Variants in MICAL2 observed in about 807,000 individuals in gnomAD.
MICAL2 encodes the protein [F-actin]-monooxygenase MICAL2.
A neutral mutation model predicts 127.3 loss-of-function variants in MICAL2; 77 were observed. That is an observed-to-expected ratio of 0.60 (90% CI 0.50 to 0.73). The LOEUF (loss-of-function observed/expected upper bound fraction) is 0.73. MICAL2 is among the 30% of genes least tolerant of loss of function. The pLI is 0.00. For synonymous variants in MICAL2, 570 were observed against 551.1 expected (o/e 1.03, Z -0.48); for missense variants, 1,351 against 1,434.4 (o/e 0.94, Z 0.94).
At chr11:12,249,292 G>T in intron 22 of MICAL2, 46 bp downstream of exon 22, 2 of 1,127,226 alleles carry the variant, frequency 1.8e-6, no homozygotes, top group Middle Eastern at 2.0e-4. Flanking sequence ...CCTGCAAAGG[G>T]GGATTATCAG....
intron 15 of MICAL2, among the ~76,000 whole-genome samples, chr11:12,229,577 C>T (rs1036427438): frequency 1.3e-5 from 2 of 152,238 alleles, no homozygotes; most frequent in Non-Finnish European, 2.9e-5. Context: ...CCACTTGGCC[C>T]TCAGAGGGAA....
chr11:12,188,164 G>A (rs1385297818), intron 3 of MICAL2, among the ~76,000 whole-genome samples: 1 of 152,100 alleles, frequency 6.6e-6, no homozygotes, highest in Non-Finnish European at 1.5e-5. Context: ...TCATTTTAAA[G>A]GCTTAGTATA....
At chr11:12,164,213 G>T (rs1306276827) in intron 3 of MICAL2, among the ~76,000 whole-genome samples, 1 of 152,178 alleles carries the variant, frequency 6.6e-6, no homozygotes, top group Non-Finnish European at 1.5e-5. Context: ...GGTCACCACT[G>T]GCTTCTGTGA....
rs561134168 is a variant in MICAL2, at chr11:12,282,332, C to G, written c.254+1233C>G. On this transcript the variant is annotated intron_variant, in intron 2 of 2. Coordinates refer to the MICAL2 transcript ENST00000529028. ...TGTGCCCAGCTGGGTCCAGCCCCAC[C>G]TCTGGTTACTGCGTGGCCTTGGTGT... Among the ~76,000 whole-genome samples, 56 of 152,290 alleles carry G rather than the reference C, an allele frequency of 3.7e-4. No individual in the cohort carries two copies. The East Asian group carries it at 9.5e-3, about 26-fold the overall frequency.
At position 12,110,612 on chromosome 11, in the gene MICAL2, C is replaced by G. The variant is rs1413737664; in HGVS notation, c.-263C>G. The G allele has an allele frequency of 6.6e-6, 1 of 151,846 alleles. No homozygotes were observed. The highest frequency in any genetic ancestry group is 1.9e-4 in the East Asian group (1 of 5,178). 9.4% of individuals were successfully genotyped at this position (151,846 alleles called of 1,614,324 possible). ...GGCGCTCGGCTGGCTAAGCCTGCGC[C>G]GGGCCGCCTCGCTCGCTCCCAGCTC... On this transcript the variant is annotated 5_prime_UTR_variant, in exon 1 of 28. Coordinates refer to ENST00000683283, the MANE Select transcript of MICAL2 (RefSeq NM_001282663.2). This position sits in a 1 kb window ranked among gnomAD's most constrained non-coding sequence, Gnocchi z 4.5.
intron 29 of MICAL2, among the ~76,000 whole-genome samples, chr11:12,312,921 C>T (rs2134826220): frequency 6.6e-6 from 1 of 152,152 alleles, no homozygotes; most frequent in East Asian, 1.9e-4. Flanking sequence ...AATCTCAGCA[C>T]TTTGGGAGGC....
At chr11:12,296,723 A>C (rs571108158), downstream of MICAL2, among the ~76,000 whole-genome samples, 1 of 151,934 alleles carries the variant, frequency 6.6e-6, no homozygotes, top group African/African-American at 2.4e-5. Context: ...TTTCTTAGGC[A>C]TTCCTGCAGA....
At chr11:12,277,359 T>G (rs1483093747) in intron 1 of MICAL2, among the ~76,000 whole-genome samples, 2 of 151,922 alleles carry the variant, frequency 1.3e-5, no homozygotes, top group East Asian at 3.9e-4. Flanking sequence ...CCTAAACAGA[T>G]TCAACAAGTG....
chr11:12,356,982 C>T (rs906275334), intron 34 of MICAL2, among the ~76,000 whole-genome samples: 13 of 152,220 alleles, frequency 8.5e-5, no homozygotes, highest in Admixed American at 1.3e-4. Context: ...CATTACCTGT[C>T]CCCTTTGGGG....
chr11:12,282,321 T>C (rs949498272), intron 2 of MICAL2, among the ~76,000 whole-genome samples: 1 of 152,122 alleles, frequency 6.6e-6, no homozygotes, highest in Non-Finnish European at 1.5e-5. Flanking sequence ...CCCAGCTGGG[T>C]CCAGCCCCAC....
At chr11:12,292,044 T>C, downstream of MICAL2, 1 of 1,405,716 alleles carries the variant, frequency 7.1e-7, no homozygotes, top group Non-Finnish European at 9.6e-7. Context: ...TCTTCCTCTT[T>C]CTGACTGTTT....
chr11:12,139,564 C>T (rs763401571), intron 2 of MICAL2, among the ~76,000 whole-genome samples: 3 of 152,086 alleles, frequency 2.0e-5, no homozygotes, highest in East Asian at 1.9e-4. Context: ...TGAGGGATCA[C>T]GTGGGGTGAG....
At chr11:12,292,909 A>G (rs574037529), downstream of MICAL2, among the ~76,000 whole-genome samples, 76 of 152,214 alleles carry the variant, frequency 5.0e-4, no homozygotes, top group African/African-American at 1.8e-3. Flanking sequence ...AGCCACCCCT[A>G]GAGTCCACTC....
chr11:12,310,297 T>C lies in MICAL2; in HGVS notation c.5213-9399T>C, dbSNP rs1864158920. Among the ~76,000 whole-genome samples, 4 of 152,210 alleles carry C rather than the reference T, an allele frequency of 2.6e-5. No homozygotes were observed. In the South Asian group the frequency reaches 8.3e-4, roughly 32 times the overall value. On this transcript the variant is annotated intron_variant, in intron 29 of 34. Transcript: ENST00000646065. ...TTCTCCAGTGTTTTTGTCTAGTAGC[T>C]TCATAGTTTCAGGCCTTAAATTCAA...
At chr11:12,270,317 C>T (rs1323188587) in intron 24 of MICAL2, among the ~76,000 whole-genome samples, 1 of 152,292 alleles carries the variant, frequency 6.6e-6, no homozygotes, top group East Asian at 1.9e-4. Context: ...ATTGAAAAGG[C>T]GTATCCCTTG....
intron 3 of MICAL2, among the ~76,000 whole-genome samples, 178 bp from the exon 4 acceptor site, chr11:12,204,072 G>A (rs1174504954): frequency 6.6e-6 from 1 of 152,194 alleles, no homozygotes; most frequent in East Asian, 1.9e-4. Context: ...GTGCGTGGTA[G>A]GCCCACAGGT....
chr11:12,173,504 G>C (rs555998492), intron 3 of MICAL2, among the ~76,000 whole-genome samples: 149 of 152,278 alleles, frequency 9.8e-4, no homozygotes, highest in African/African-American at 3.6e-3. Flanking sequence ...TTTGCCCCTG[G>C]CATTCCCAAT....
At chr11:12,281,789 A>C (rs1303293286) in intron 2 of MICAL2, among the ~76,000 whole-genome samples, 2 of 152,202 alleles carry the variant, frequency 1.3e-5, no homozygotes, top group Non-Finnish European at 2.9e-5. Context: ...CCACTGCCCA[A>C]GCTCTGGCTT....
chr11:12,334,324 A>T (rs1338008307), intron 32 of MICAL2, among the ~76,000 whole-genome samples: 1 of 152,200 alleles, frequency 6.6e-6, no homozygotes, highest in African/African-American at 2.4e-5. Flanking sequence ...AATACAGTGT[A>T]AATGTTGTGT....
Sources: gnomAD v4.1 joint callset for allele counts (sites outside exome capture counted in the v4.1 genomes callset) on GRCh38, gnomAD v4.1.1 for gene constraint, Gnocchi (gnomAD v3.1) non-coding constraint, MANE v1.5 for transcripts, NCBI Gene and HGNC (gene_info 2026-07-23, HGNC 2026-07-21) for gene names.